BICC1: variants seen among roughly 807,000 people sequenced by gnomAD.
The protein encoded by BICC1 is BicC family RNA binding protein 1, also known as protein bicaudal C homolog 1.
Under a neutral mutation model 111.0 loss-of-function variants are expected in BICC1, and 43 were observed. The ratio of observed to expected loss-of-function variants is 0.39; its 90% CI spans 0.30 to 0.50. The LOEUF (loss-of-function observed/expected upper bound fraction) is 0.50. Among genes scored for constraint, BICC1 ranks in the 20% least tolerant of loss-of-function variants. BICC1 has a pLI of 0.88. For missense variants in BICC1, 1,091 were observed against 1,203.2 expected (o/e 0.91, Z 1.38); for synonymous variants, 467 against 434.4 (o/e 1.07, Z -0.93).
At position 58,799,204 on chromosome 10, in the gene BICC1, G is replaced by T; in HGVS notation, c.1677G>T (p.Met559Ile). 1 of 1,613,116 alleles carries T rather than the reference G, an allele frequency of 6.2e-7. No individual in the cohort carries two copies. Among genetic ancestry groups the T allele is most frequent in the Non-Finnish European group, 8.5e-7 (1 of 1,179,570 alleles). ...LTPVDVHINSMQTEGKKISAA... is the reference protein window; with the variant it reads ...LTPVDVHINSIQTEGKKISAA... ...CTGTTGATGTCCATATCAACAGTATGCAGACCGAAGGCAAAAAAATCTCTG... is the reference window on the plus strand; with the variant it reads ...CTGTTGATGTCCATATCAACAGTATTCAGACCGAAGGCAAAAAAATCTCTG... The change falls in exon 12 of 21, where the codon ATG (methionine) becomes ATT (isoleucine). Residue 559 changes from methionine to isoleucine, a missense_variant. Met to Ile is a conservative substitution (Grantham distance 10). Around this residue, in one of 3 missense-constraint regions of BICC1, gnomAD observed 843 missense variants for 900.8 expected, o/e 0.94. Coordinates refer to ENST00000373886, the MANE Select transcript of BICC1 (RefSeq NM_001080512.3).
chr10:58,603,900 C>G (rs1375002044), intron 1 of BICC1, among the ~76,000 whole-genome samples: 1 of 152,174 alleles, frequency 6.6e-6, no homozygotes, highest in East Asian at 1.9e-4. Context: ...TAATTTAATA[C>G]TTAATAGGTA....
intron 1 of BICC1, among the ~76,000 whole-genome samples, chr10:58,573,770 G>A (rs972666374): frequency 2.0e-5 from 3 of 152,082 alleles, no homozygotes; most frequent in African/African-American, 7.2e-5. Flanking sequence ...AAGCAGAAAG[G>A]GAAGTTGTTC....
chr10:58,778,692 T>G (rs1842809669), intron 3 of BICC1, among the ~76,000 whole-genome samples: 1 of 152,142 alleles, frequency 6.6e-6, no homozygotes, highest in African/African-American at 2.4e-5. Context: ...ATCCATGTTG[T>G]TCAAGGGTCA....
chr10:58,610,624 T>A (rs1362282115), intron 1 of BICC1, among the ~76,000 whole-genome samples: 2 of 152,126 alleles, frequency 1.3e-5, no homozygotes, highest in Non-Finnish European at 2.9e-5. Context: ...CTTTTTTTTT[T>A]TTATTCTGAG....
chr10:58,544,031 AG>A (rs1843069598), intron 1 of BICC1, among the ~76,000 whole-genome samples: 1 of 152,080 alleles, frequency 6.6e-6, no homozygotes, highest in South Asian at 2.1e-4. Flanking sequence ...AGTTTAAAAA[AG>A]GTAGCACTTT....
chr10:58,784,263 C>G (rs1383320979), intron 3 of BICC1, among the ~76,000 whole-genome samples: 2 of 152,248 alleles, frequency 1.3e-5, no homozygotes, highest in East Asian at 3.9e-4. Context: ...TCTCTAGTCC[C>G]TGGAACAGTG....
chr10:58,826,282 A>C (rs1308943931), intron 20 of BICC1, among the ~76,000 whole-genome samples: 1 of 152,212 alleles, frequency 6.6e-6, no homozygotes, highest in Non-Finnish European at 1.5e-5. Flanking sequence ...GTTTGGCTTA[A>C]CAAATTTGAA....
At chr10:58,781,506 C>T (rs1416210857) in intron 3 of BICC1, among the ~76,000 whole-genome samples, 1 of 152,054 alleles carries the variant, frequency 6.6e-6, no homozygotes, top group Non-Finnish European at 1.5e-5. Flanking sequence ...ACCTTTATGC[C>T]TAAATTGAGT....
intron 2 of BICC1, among the ~76,000 whole-genome samples, chr10:58,683,730 C>T (rs948443655): frequency 6.6e-6 from 1 of 152,114 alleles, no homozygotes; most frequent in Non-Finnish European, 1.5e-5. Context: ...GATTTTGTAT[C>T]CTGAGATTTG....
chr10:58,524,387 A>G (rs1256953775), intron 1 of BICC1, among the ~76,000 whole-genome samples: 7 of 152,176 alleles, frequency 4.6e-5, no homozygotes, highest in African/African-American at 1.2e-4. Flanking sequence ...GCCCTCAGAA[A>G]TAATGCCGCA....
At chr10:58,774,986 C>G (rs1201444311) in intron 3 of BICC1, among the ~76,000 whole-genome samples, 1 of 151,978 alleles carries the variant, frequency 6.6e-6, no homozygotes, top group Non-Finnish European at 1.5e-5. Context: ...AATTGGTCAC[C>G]CTTATCAGGT....
intron 3 of BICC1, among the ~76,000 whole-genome samples, chr10:58,748,966 T>C (rs1393405250): frequency 6.6e-6 from 1 of 152,122 alleles, no homozygotes; most frequent in Non-Finnish European, 1.5e-5. Flanking sequence ...TGAGCTTGCC[T>C]AGGAAGATTC....
chr10:58,656,859 T>G (rs981467607), intron 2 of BICC1, among the ~76,000 whole-genome samples: 4 of 152,198 alleles, frequency 2.6e-5, no homozygotes, highest in African/African-American at 9.7e-5. Flanking sequence ...CTTCCGACCT[T>G]CAGTAAATCA....
chr10:58,641,125 C>T (rs1322960914), intron 2 of BICC1, among the ~76,000 whole-genome samples: 1 of 152,160 alleles, frequency 6.6e-6, no homozygotes, highest in Non-Finnish European at 1.5e-5. Context: ...TGAAGCATCT[C>T]ATTTGATGTA....
chr10:58,518,905 G>A (rs955170208), intron 1 of BICC1, among the ~76,000 whole-genome samples: 2 of 152,148 alleles, frequency 1.3e-5, no homozygotes, highest in Admixed American at 6.5e-5. Context: ...TCTCTATGAA[G>A]ACTTGGAGGG....
In BICC1 at chr10:58,542,161, A is replaced by C. The variant is rs564069647; in HGVS notation, c.190+28828A>C. 3.4e-5 allele frequency among the ~76,000 whole-genome samples: 5 copies of C among 147,074 alleles called. No homozygotes were observed. In the East Asian group the frequency reaches 5.9e-4, roughly 17 times the overall value. ...GCAAGACCCTGTCTCAAAAAAAAAA[A>C]AAAAACAAAAAAAAAAACCCAGACA... On this transcript the variant is annotated intron_variant, in intron 1 of 20. Transcript: ENST00000373886.
intron 1 of BICC1, among the ~76,000 whole-genome samples, chr10:58,614,833 G>T (rs184607835): frequency 1.3e-5 from 2 of 152,238 alleles, no homozygotes; most frequent in Admixed American, 1.3e-4. Context: ...ATTCTAAGTT[G>T]TGAAGGAATT....
chr10:58,621,015 T>G, intron 2 of BICC1, 114 bp downstream of exon 2: 1 of 812,492 alleles, frequency 1.2e-6, no homozygotes, highest in Admixed American at 2.6e-5. Context: ...AACAGGTTTC[T>G]ATACGGGAGC....
chr10:58,620,947 A>G lies in BICC1; in HGVS notation c.237+46A>G, dbSNP rs547977312. 1.9e-5 allele frequency: 30 copies of G among 1,543,606 alleles called. No individual in the cohort carries two copies. The Admixed American group carries it at 5.1e-4, about 26-fold the overall frequency. On this transcript the variant is annotated intron_variant, in intron 2 of 20. Coordinates refer to ENST00000373886, the MANE Select transcript of BICC1 (RefSeq NM_001080512.3). Reference sequence around the variant, plus strand: ...GTCATGGTGATAAGTAAGAGGAAATATACTTATCTCAACAGCTACCCTAGA... The same window carrying G: ...GTCATGGTGATAAGTAAGAGGAAATGTACTTATCTCAACAGCTACCCTAGA...
Sources: gnomAD v4.1 joint callset for allele counts (sites outside exome capture counted in the v4.1 genomes callset) on GRCh38, gnomAD v4.1.1 for gene constraint, gnomAD v4.1.1 regional missense constraint, MANE v1.5 for transcripts, NCBI Gene and HGNC (gene_info 2026-07-23, HGNC 2026-07-21) for gene names.